Variants in C1orf21 observed in about 807,000 individuals in gnomAD.
The protein encoded by C1orf21 is chromosome 1 open reading frame 21.
A neutral mutation model predicts 18.7 loss-of-function variants in C1orf21; 3 were observed. That is an observed-to-expected ratio of 0.16 (90% confidence interval 0.07 to 0.42). The LOEUF is 0.42. C1orf21 is among the 10% of genes least tolerant of loss of function. C1orf21 has a pLI of 0.99. For missense variants in C1orf21, 104 were observed against 143.6 expected, an observed-to-expected ratio of 0.72 and a Z score of 1.41; for synonymous variants, 41 against 46.4, an observed-to-expected ratio of 0.88 and a Z score of 0.47.
intron 1 of C1orf21, among the ~76,000 whole-genome samples, chr1:184,401,262 C>CA (rs1656147714): frequency 6.6e-6 from 1 of 151,768 alleles, no homozygotes; most frequent in Non-Finnish European, 1.5e-5. Flanking sequence ...CTGTCGTTGC[C>CA]CAGGCTGGAG....
chr1:184,423,551 T>C (rs544916014), intron 1 of C1orf21, among the ~76,000 whole-genome samples: 14 of 152,072 alleles, frequency 9.2e-5, no homozygotes, highest in Non-Finnish European at 2.1e-4. Flanking sequence ...CAAAAATATG[T>C]AGGATGAGTT....
At chr1:184,494,494 A>C (rs993877105) in intron 2 of C1orf21, among the ~76,000 whole-genome samples, 1 of 152,204 alleles carries the variant, frequency 6.6e-6, no homozygotes, top group Non-Finnish European at 1.5e-5. Context: ...TAGTCCTAGC[A>C]AGAGATGTTG....
At chr1:184,607,252 CA>C (rs1420532373) in intron 5 of C1orf21, among the ~76,000 whole-genome samples, 1 of 152,140 alleles carries the variant, frequency 6.6e-6, no homozygotes, top group East Asian at 1.9e-4. Context: ...GGGCTTCTTA[CA>C]AATTGAAAAC....
chr1:184,560,611 C>T (rs893471839), intron 3 of C1orf21, among the ~76,000 whole-genome samples: 5 of 152,154 alleles, frequency 3.3e-5, no homozygotes, highest in African/African-American at 1.2e-4. Flanking sequence ...ACCTTTTCTG[C>T]AGGTAGAGAA....
At chr1:184,559,772 C>T (rs1371919494) in intron 3 of C1orf21, among the ~76,000 whole-genome samples, 1 of 152,064 alleles carries the variant, frequency 6.6e-6, no homozygotes, top group African/African-American at 2.4e-5. Context: ...TGCATGCCAC[C>T]ATGCCCAGCA....
At chr1:184,475,344 C>G (rs547103948) in intron 1 of C1orf21, among the ~76,000 whole-genome samples, 52 of 152,240 alleles carry the variant, frequency 3.4e-4, no homozygotes, top group Non-Finnish European at 5.1e-4. Context: ...GCCCTGCCCC[C>G]CCATCCCCAC....
chr1:184,588,469 A>G (rs1659389855), intron 3 of C1orf21, among the ~76,000 whole-genome samples: 2 of 152,174 alleles, frequency 1.3e-5, no homozygotes, highest in African/African-American at 4.8e-5. Flanking sequence ...CTGAGCTAGT[A>G]GTGAACAGCA....
At chr1:184,577,947 G>GTTTTGTTTTTTTTTTTTTTTTT (rs1571285782) in intron 3 of C1orf21, among the ~76,000 whole-genome samples, 2 of 86,720 alleles carry the variant, frequency 2.3e-5, no homozygotes, top group South Asian at 3.6e-4. Context: ...TTTTTGTTTT[G>GTTTTGTTTTTTTTTTTTTTTTT]TTTTTGTTTT....
At chr1:184,460,713 C>CT (rs11393803) in intron 1 of C1orf21, among the ~76,000 whole-genome samples, 12,522 of 90,656 alleles carry the variant, frequency 0.14, 1,613 homozygotes, top group Middle Eastern at 0.2. Flanking sequence ...TCTCTTCTTC[C>CT]TTTTTTTTTT....
intron 2 of C1orf21, among the ~76,000 whole-genome samples, chr1:184,485,733 C>T (rs1208039616): frequency 2.0e-5 from 3 of 152,112 alleles, no homozygotes; most frequent in Non-Finnish European, 1.5e-5. Context: ...AGCAATGCCA[C>T]CTTGCTCCTC....
At chr1:184,435,086 A>G (rs1656837867) in intron 1 of C1orf21, among the ~76,000 whole-genome samples, 1 of 152,180 alleles carries the variant, frequency 6.6e-6, no homozygotes, top group South Asian at 2.1e-4. Context: ...ATATATTTGG[A>G]AGTAGGGTAT....
At position 184,434,762 on chromosome 1, in the gene C1orf21, G is replaced by A. The variant is rs144249876; in HGVS notation, c.-124-42624G>A. Among the ~76,000 whole-genome samples the A allele has an allele frequency of 2.0e-4, 30 of 152,310 alleles. No individual in the cohort carries two copies. The East Asian group carries it at 4.6e-3, about 24-fold the overall frequency. On this transcript the variant is annotated intron_variant, in intron 1 of 5. Coordinates refer to ENST00000235307, the MANE Select transcript of C1orf21 (RefSeq NM_030806.4). ...ATATTCCTAGAAACGAACTGGCCAC[G>A]TCTAAGAAACAGAGCTAAGACTTTC... is the stretch of plus-strand genomic sequence containing the variant.
chr1:184,619,282 A>G (rs998895407), intron 5 of C1orf21, among the ~76,000 whole-genome samples: 4 of 152,202 alleles, frequency 2.6e-5, no homozygotes, highest in Non-Finnish European at 4.4e-5. Context: ...TCTTACCAAC[A>G]TAAAGTAAGG....
intron 1 of C1orf21, among the ~76,000 whole-genome samples, chr1:184,395,180 AT>A (rs890004716): frequency 2.0e-5 from 3 of 151,870 alleles, no homozygotes; most frequent in African/African-American, 7.3e-5. Context: ...ATTAGTTTTG[AT>A]TTTTATTATA....
intron 3 of C1orf21, among the ~76,000 whole-genome samples, chr1:184,587,706 G>T (rs1323232952): frequency 1.3e-5 from 2 of 149,204 alleles, no homozygotes; most frequent in African/African-American, 5.0e-5. Context: ...AGGCTGGAGT[G>T]CAGGTCATGA....
At position 184,590,724 on chromosome 1, in the gene C1orf21, GT is replaced by G; in HGVS notation, c.190-12del. On this transcript the variant is annotated splice_polypyrimidine_tract_variant and intron_variant, in intron 3 of 5. Transcript: ENST00000235307. The stretch of plus-strand genomic sequence containing the variant: ...CTAATCCTGTCTTTCACATGTCTGT[GT>G]TTATGTGTTTCAGGAAAAAAGTGCC... 2 of 1,603,796 alleles carry G rather than the reference GT, an allele frequency of 1.2e-6. No homozygotes were observed. The highest frequency in any genetic ancestry group is 1.7e-6 in the Non-Finnish European group (2 of 1,170,706).
At chr1:184,407,768 G>A (rs1401721293) in intron 1 of C1orf21, among the ~76,000 whole-genome samples, 1 of 152,154 alleles carries the variant, frequency 6.6e-6, no homozygotes, top group Non-Finnish European at 1.5e-5. Flanking sequence ...AATTATTCAT[G>A]GCTGTTTGGA....
At chr1:184,444,973 T>C (rs1657007182) in intron 1 of C1orf21, among the ~76,000 whole-genome samples, 1 of 152,178 alleles carries the variant, frequency 6.6e-6, no homozygotes, top group South Asian at 2.1e-4. Context: ...TCAATGGTCA[T>C]GTGTAGCGTG....
intron 1 of C1orf21, among the ~76,000 whole-genome samples, chr1:184,421,595 A>AT (rs1656547942): frequency 1.3e-5 from 2 of 152,236 alleles, no homozygotes; most frequent in African/African-American, 4.8e-5. Context: ...GGAAACCAAG[A>AT]AAGTAAACGT....
Sources: allele counts gnomAD v4.1 joint callset (sites outside exome capture counted in the v4.1 genomes callset), GRCh38; gene constraint gnomAD v4.1.1; transcripts MANE v1.5; gene names NCBI Gene and HGNC (gene_info 2026-07-23, HGNC 2026-07-21).